Variants in RALGAPB observed in about 807,000 individuals in gnomAD.
The protein encoded by RALGAPB is ral GTPase-activating protein subunit beta.
RALGAPB carries 25 observed loss-of-function variants against 161.1 expected under a neutral mutation model. That is an observed-to-expected ratio of 0.16 (90% CI 0.11 to 0.22). The LOEUF is 0.22. RALGAPB is among the 10% of genes least tolerant of loss of function. RALGAPB has a pLI of 1.00. For synonymous variants in RALGAPB, 629 were observed against 626.1 expected (o/e 1.00, Z -0.07); for missense variants, 1,391 against 1,815.2 (o/e 0.77, Z 4.25).
At chr20:38,539,988 T>G (rs1216112331) in intron 17 of RALGAPB, 30 bp downstream of exon 17, 1 of 1,577,334 alleles carries the variant, frequency 6.3e-7, no homozygotes. Context: ...AACCATTAAG[T>G]AAAAACAAAA....
chr20:38,480,290 T>C (rs1307153808), intron 1 of RALGAPB, among the ~76,000 whole-genome samples: 1 of 150,776 alleles, frequency 6.6e-6, no homozygotes, highest in East Asian at 1.9e-4. Context: ...TAGCTTTCTT[T>C]CCTTTGGCTC....
intron 19 of RALGAPB, chr20:38,547,588 ATGAG>A (rs1568964018): frequency 6.6e-6 from 1 of 152,342 alleles, no homozygotes; most frequent in East Asian, 1.9e-4. Context: ...TGTTGATTAT[ATGAG>A]TAAGAGCTCA....
chr20:38,566,609 T>C (rs561794463), intron 25 of RALGAPB, among the ~76,000 whole-genome samples: 1 of 152,366 alleles, frequency 6.6e-6, no homozygotes, highest in South Asian at 2.1e-4. Context: ...TGTGTACTTA[T>C]CTCCAACCAG....
chr20:38,574,676 GT>G (rs2088370527), intron 29 of RALGAPB, 97 bp from the exon 30 acceptor site: 1 of 1,224,540 alleles, frequency 8.2e-7, no homozygotes, highest in African/African-American at 1.5e-5. Context: ...GAATGAAATA[GT>G]TTTGAGTATG....
At chr20:38,517,685 T>C (rs1369445676) in intron 8 of RALGAPB, 31 bp downstream of exon 8, 3 of 1,611,702 alleles carry the variant, frequency 1.9e-6, no homozygotes, top group Non-Finnish European at 2.5e-6. Context: ...TGTTATGCTA[T>C]ATAAGGTTGG....
At chr20:38,517,724 G>A (rs776006004) in intron 8 of RALGAPB, 60 bp from the exon 9 acceptor site, 1 of 1,605,860 alleles carries the variant, frequency 6.2e-7, no homozygotes. Flanking sequence ...TTTTTATAAA[G>A]TCTTGCTATT....
chr20:38,548,962 C>T (rs1232033599), intron 20 of RALGAPB, among the ~76,000 whole-genome samples, 167 bp downstream of exon 20: 1 of 152,204 alleles, frequency 6.6e-6, no homozygotes, highest in Non-Finnish European at 1.5e-5. Flanking sequence ...TCCAGATGTA[C>T]TCAATTACTC....
At chr20:38,562,801 C>T (rs1251576172) in intron 24 of RALGAPB, 104 bp downstream of exon 24, 5 of 1,315,588 alleles carry the variant, frequency 3.8e-6, no homozygotes, top group East Asian at 2.5e-5. Flanking sequence ...AAATACAAAA[C>T]CAGGCTGGGT....
intron 15 of RALGAPB, among the ~76,000 whole-genome samples, chr20:38,533,164 T>A (rs2086706966): frequency 6.6e-6 from 1 of 152,152 alleles, no homozygotes; most frequent in Admixed American, 6.5e-5. Context: ...AGATGTGGAC[T>A]CTGCCTCAGA....
chr20:38,564,460 G>C (rs777499760), intron 24 of RALGAPB, among the ~76,000 whole-genome samples: 1 of 151,954 alleles, frequency 6.6e-6, no homozygotes, highest in African/African-American at 2.4e-5. Context: ...CAATTTTTTC[G>C]GTGAGAAATT....
chr20:38,565,813 C>T (rs564402795), intron 25 of RALGAPB, among the ~76,000 whole-genome samples: 2 of 152,244 alleles, frequency 1.3e-5, no homozygotes, highest in South Asian at 4.2e-4. Context: ...ACCTACTTTT[C>T]TATTCCCATA....
intron 22 of RALGAPB, among the ~76,000 whole-genome samples, chr20:38,557,515 C>A (rs1568974268): frequency 6.6e-6 from 1 of 152,168 alleles, no homozygotes; most frequent in Non-Finnish European, 1.5e-5. Context: ...TTCATCCCTC[C>A]CTCTTCACTC....
chr20:38,513,985 G>A (rs1763689976), intron 6 of RALGAPB, among the ~76,000 whole-genome samples: 1 of 152,290 alleles, frequency 6.6e-6, no homozygotes, highest in Admixed American at 6.5e-5. Flanking sequence ...TAAAACTCTA[G>A]TCGAGTCTTT....
rs1213619752 is a variant in RALGAPB at position 38,521,704 on chromosome 20, G to A, written c.1619+6G>A. On this transcript the variant is annotated splice_donor_region_variant and intron_variant, in intron 10 of 29. Coordinates refer to ENST00000262879, the MANE Select transcript of RALGAPB (RefSeq NM_020336.4). ...CTGCCAGCTTATTTATCCAGGTCTT[G>A]GAATTTTTGTTTGTTTTTTCATTTA... 6.2e-7 allele frequency: 1 copy of A among 1,612,036 alleles called. No homozygotes were observed. The highest frequency in any genetic ancestry group is 1.3e-5 in the African/African-American group (1 of 74,778).
At chr20:38,548,939 A>C in intron 20 of RALGAPB, 144 bp downstream of exon 20, 1 of 655,924 alleles carries the variant, frequency 1.5e-6, no homozygotes, top group South Asian at 2.0e-5. Flanking sequence ...AGAATCATCT[A>C]GGAACCTAGA....
At chr20:38,474,615 C>CT (rs1231152653) in intron 1 of RALGAPB, among the ~76,000 whole-genome samples, 1 of 152,152 alleles carries the variant, frequency 6.6e-6, no homozygotes, top group East Asian at 1.9e-4. Flanking sequence ...GCTGCATTAG[C>CT]TTTAAGCATT....
At chr20:38,518,522 AATTG>A (rs2123098895) in intron 9 of RALGAPB, among the ~76,000 whole-genome samples, 1 of 152,312 alleles carries the variant, frequency 6.6e-6, no homozygotes, top group African/African-American at 2.4e-5. Context: ...AACTTAATAA[AATTG>A]ATTGGTGGAG....
intron 20 of RALGAPB, among the ~76,000 whole-genome samples, chr20:38,549,417 T>C (rs1219889877): frequency 6.6e-6 from 1 of 151,470 alleles, no homozygotes; most frequent in African/African-American, 2.4e-5. Context: ...TTTGTAGAGA[T>C]AGGGTCTTGC....
At chr20:38,518,985 T>C (rs973195623) in intron 9 of RALGAPB, among the ~76,000 whole-genome samples, 2 of 152,186 alleles carry the variant, frequency 1.3e-5, no homozygotes, top group Non-Finnish European at 2.9e-5. Flanking sequence ...TTCTTAGCTA[T>C]TATTATTATC....
Sources: allele counts gnomAD v4.1 joint callset (sites outside exome capture counted in the v4.1 genomes callset), GRCh38; gene constraint gnomAD v4.1.1; transcripts MANE v1.5; gene names NCBI Gene and HGNC (gene_info 2026-07-23, HGNC 2026-07-21).